KCNIP4: variants seen among roughly 807,000 people sequenced by gnomAD.
The protein encoded by KCNIP4 is Kv channel-interacting protein 4.
In KCNIP4, 12 loss-of-function variants were observed where a neutral mutation model predicts 34.0. The ratio of observed to expected loss-of-function variants is 0.35; its 90% CI spans 0.23 to 0.57. KCNIP4 has a LOEUF of 0.57. KCNIP4 is among the 20% of genes least tolerant of loss of function. The pLI is 0.83. For missense variants in KCNIP4, 238 were observed against 311.7 expected, an observed-to-expected ratio of 0.76 and a Z score of 1.78; for synonymous variants, 124 against 102.2, an observed-to-expected ratio of 1.21 and a Z score of -1.29.
intron 1 of KCNIP4, among the ~76,000 whole-genome samples, chr4:20,922,886 A>C (rs6858059): frequency 0.34 from 51,115 of 152,004 alleles, 10,424 homozygotes; most frequent in Non-Finnish European, 0.43. Flanking sequence ...TCTGGTGTAC[A>C]AAATATCCCC....
chr4:21,031,393 C>A (rs1741012942), intron 1 of KCNIP4, among the ~76,000 whole-genome samples: 1 of 152,188 alleles, frequency 6.6e-6, no homozygotes, highest in African/African-American at 2.4e-5. Flanking sequence ...AAATAATTTA[C>A]AAATCACAGT....
chr4:21,942,865 C>T (rs554930981), intron 1 of KCNIP4, among the ~76,000 whole-genome samples: 7 of 152,290 alleles, frequency 4.6e-5, no homozygotes, highest in Non-Finnish European at 8.8e-5. Context: ...TCAAGCGATT[C>T]TCCCTGCCTC....
intron 1 of KCNIP4, among the ~76,000 whole-genome samples, chr4:20,950,945 T>C (rs573399217): frequency 1.3e-4 from 20 of 152,200 alleles, no homozygotes; most frequent in Non-Finnish European, 2.9e-4. Context: ...GGGCATTTGC[T>C]TTCCCCCAAA....
chr4:21,560,794 C>CA (rs1739440798), intron 1 of KCNIP4, among the ~76,000 whole-genome samples: 1 of 151,964 alleles, frequency 6.6e-6, no homozygotes, highest in Admixed American at 6.6e-5. Context: ...CATGATTATT[C>CA]AAATAAGATA....
intron 1 of KCNIP4, among the ~76,000 whole-genome samples, chr4:20,980,089 G>A (rs1331416139): frequency 6.6e-6 from 1 of 152,178 alleles, no homozygotes. Context: ...CTTCTCTGGA[G>A]TCCTTTCCAG....
chr4:20,756,226 T>A (rs961179402), intron 4 of KCNIP4, among the ~76,000 whole-genome samples: 1 of 151,628 alleles, frequency 6.6e-6, no homozygotes, highest in Non-Finnish European at 1.5e-5. Context: ...CTGGCCATAA[T>A]AACAGAGAGA....
chr4:21,616,196 C>A (rs1744592527), intron 1 of KCNIP4, among the ~76,000 whole-genome samples: 1 of 152,172 alleles, frequency 6.6e-6, no homozygotes, highest in African/African-American at 2.4e-5. Context: ...CTCCCATTCC[C>A]TGAAGTGTTC....
intron 1 of KCNIP4, among the ~76,000 whole-genome samples, chr4:21,103,745 A>T (rs55809385): frequency 1.1e-5 from 1 of 89,590 alleles, no homozygotes; most frequent in Non-Finnish European, 2.3e-5. Flanking sequence ...TCCCCCCACC[A>T]CACAACAGGC....
At chr4:21,608,696 T>C (rs1743915301) in intron 1 of KCNIP4, 1 of 152,158 alleles carries the variant, frequency 6.6e-6, no homozygotes, top group African/African-American at 2.4e-5. Context: ...GAGATTAAGG[T>C]GTAAGCATCA....
At chr4:21,935,950 A>G (rs971343296) in intron 1 of KCNIP4, among the ~76,000 whole-genome samples, 11 of 114,582 alleles carry the variant, frequency 9.6e-5, no homozygotes, top group Non-Finnish European at 1.6e-4. Flanking sequence ...ATATACCCAA[A>G]AGAAATGAAG....
At chr4:20,730,264 G>A (rs1325592534) in intron 8 of KCNIP4, 135 bp from the exon 9 acceptor site, 9 of 1,126,854 alleles carry the variant, frequency 8.0e-6, no homozygotes, top group Non-Finnish European at 1.1e-5. Flanking sequence ...TTAAGTGTTT[G>A]CAAATGTAAA....
At chr4:21,413,056 G>A (rs936803750) in intron 1 of KCNIP4, among the ~76,000 whole-genome samples, 2 of 152,124 alleles carry the variant, frequency 1.3e-5, no homozygotes, top group South Asian at 2.1e-4. Flanking sequence ...TATATATGTC[G>A]ATTCACTGAT....
chr4:21,346,870 A>T (rs1337671311), intron 1 of KCNIP4, among the ~76,000 whole-genome samples: 1 of 152,122 alleles, frequency 6.6e-6, no homozygotes, highest in Non-Finnish European at 1.5e-5. Flanking sequence ...TCAATACTGC[A>T]CCTCATGGTT....
chr4:20,810,213 C>T (rs1363783050), intron 3 of KCNIP4, among the ~76,000 whole-genome samples: 6 of 152,212 alleles, frequency 3.9e-5, no homozygotes, highest in Non-Finnish European at 8.8e-5. Flanking sequence ...CCATTGTTCA[C>T]ACTGAAAGTC....
intron 1 of KCNIP4, among the ~76,000 whole-genome samples, chr4:21,485,075 A>G (rs1731791588): frequency 6.6e-6 from 1 of 152,180 alleles, no homozygotes. Context: ...CAAAATTCAT[A>G]GTTGTCGCTT....
chr4:21,773,290 A>G (rs1025437405), intron 1 of KCNIP4, among the ~76,000 whole-genome samples: 31 of 152,132 alleles, frequency 2.0e-4, no homozygotes, highest in African/African-American at 6.8e-4. Flanking sequence ...ACTGTTTGCT[A>G]TGATTTCAGT....
At chr4:20,791,548 A>G (rs1034191331) in intron 3 of KCNIP4, among the ~76,000 whole-genome samples, 2 of 152,194 alleles carry the variant, frequency 1.3e-5, no homozygotes, top group Admixed American at 6.5e-5. Context: ...CACTCTTGTA[A>G]GATATTTTTT....
At chr4:21,626,201 A>C (rs971586742) in intron 1 of KCNIP4, among the ~76,000 whole-genome samples, 1 of 152,044 alleles carries the variant, frequency 6.6e-6, no homozygotes, top group Non-Finnish European at 1.5e-5. Context: ...TAAGGGAGGA[A>C]GTTGTTATAG....
At chr4:21,871,402 T>C (rs1281251062) in intron 1 of KCNIP4, among the ~76,000 whole-genome samples, 2 of 151,132 alleles carry the variant, frequency 1.3e-5, no homozygotes, top group African/African-American at 4.9e-5. Context: ...CAAATGTCCA[T>C]CAATGATAGA....
Sources: allele counts gnomAD v4.1 joint callset (sites outside exome capture counted in the v4.1 genomes callset), GRCh38; gene constraint gnomAD v4.1.1; transcripts MANE v1.5; gene names NCBI Gene and HGNC (gene_info 2026-07-23, HGNC 2026-07-21).